The following MYT1 variants were observed in gnomAD, a reference collection of about 807,000 sequenced individuals.
MYT1 encodes myelin transcription factor 1.
MYT1 carries 23 observed loss-of-function variants against 123.0 expected under a neutral mutation model. The observed-to-expected ratio is 0.19, with a 90% CI of 0.13 to 0.26. MYT1 has a LOEUF of 0.26. MYT1 is among the 10% of genes least tolerant of loss of function. The pLI, the probability that MYT1 is intolerant of heterozygous loss-of-function variation, is 1.00. For missense variants in MYT1, 1,125 were observed against 1,472.5 expected, an observed-to-expected ratio of 0.76 and a Z score of 3.86; for synonymous variants, 518 against 575.3, an observed-to-expected ratio of 0.90 and a Z score of 1.43.
intron 13 of MYT1, 41 bp from the exon 14 acceptor site, chr20:64,221,852 C>T (rs1359812263): frequency 4.4e-6 from 7 of 1,605,014 alleles, no homozygotes; most frequent in Middle Eastern, 4.4e-4. Context: ...CCAGGCCTCC[C>T]CGCCAGCCGG....
chr20:64,241,226 C>G lies in MYT1; in HGVS notation c.*778C>G, dbSNP rs1024725376. On this transcript the variant is annotated 3_prime_UTR_variant, in exon 23 of 23. Coordinates refer to ENST00000328439, the MANE Select transcript of MYT1 (RefSeq NM_004535.3). The surrounding 1 kb of genome is among the most constrained non-coding windows in gnomAD (Gnocchi z 4.2). ...CCACTCTGGCTTCTGTGCATCCACCCAGGCCCCCGACCCATCACTGCCACA... is the reference window on the plus strand; with the variant it reads ...CCACTCTGGCTTCTGTGCATCCACCGAGGCCCCCGACCCATCACTGCCACA... The G allele has an allele frequency of 6.6e-6, 1 of 152,232 alleles. No homozygotes were observed. The highest frequency in any genetic ancestry group is 1.5e-5 in the Non-Finnish European group (1 of 68,064). The allele number at this position is 152,232 out of a possible 1,614,324, so 9.4% of individuals were successfully genotyped here. A position where few individuals can be genotyped will look rare whatever the true frequency, so the allele number is the denominator to read the frequency against.
rs1348232704 is a variant in MYT1 at position 64,240,589 on chromosome 20, G to T, written c.*141G>T. On this transcript the variant is annotated 3_prime_UTR_variant, in exon 23 of 23. Coordinates refer to ENST00000328439, the MANE Select transcript of MYT1 (RefSeq NM_004535.3). ...CGCGGGCGGGTTTATCCAAAGGGAT[G>T]GCTGGAAATTGGCCGCTCCCACGAG... 3 of 1,280,620 alleles carry T rather than the reference G, an allele frequency of 2.3e-6. No individual in the cohort carries two copies. Among genetic ancestry groups the T allele is most frequent in the Non-Finnish European group, 3.1e-6 (3 of 963,912 alleles). The allele number at this position is 1,280,620 out of a possible 1,614,324, so 79.3% of individuals were successfully genotyped here.
chr20:64,187,531 G>T (rs531375528), intron 1 of MYT1, among the ~76,000 whole-genome samples: 6 of 152,226 alleles, frequency 3.9e-5, no homozygotes, highest in African/African-American at 1.2e-4. Flanking sequence ...CCTGTGGCAC[G>T]TGGCCCCGGC....
intron 1 of MYT1, among the ~76,000 whole-genome samples, chr20:64,171,964 A>G (rs1399836368): frequency 6.6e-6 from 1 of 152,086 alleles, no homozygotes; most frequent in Non-Finnish European, 1.5e-5. Context: ...CTTCCTGGAG[A>G]GCCCTCTGAT....
rs143724804 is a variant in MYT1 at position 64,223,380 on chromosome 20, C to A, written c.2528+21C>A. ...CTCAAGTATGTTTGCGCTCCCTGAC[C>A]TCCTGTCTCTTGGGCGGCACCCTCG... On this transcript the variant is annotated intron_variant, in intron 16 of 22. Transcript: ENST00000328439. 1,049 of 1,613,406 alleles carry A rather than the reference C, an allele frequency of 6.5e-4. 6 individuals are homozygous for A. The African/African-American group carries it at 0.012, about 19-fold the overall frequency.
rs1472972438 is a variant in MYT1 at position 64,202,588 on chromosome 20, C to T, written c.87-2447C>T. Among the ~76,000 whole-genome samples the T allele has an allele frequency of 6.6e-6, 1 of 152,052 alleles. No individual in the cohort carries two copies. Among genetic ancestry groups the T allele is most frequent in the South Asian group, 2.1e-4 (1 of 4,816 alleles). Reference sequence around the variant, plus strand: ...GGCCAACTCCCACCCAGATGACTGCCCCAGGAGAGGGAGGGAAGGCAGGGA... The same window carrying T: ...GGCCAACTCCCACCCAGATGACTGCTCCAGGAGAGGGAGGGAAGGCAGGGA... On this transcript the variant is annotated intron_variant, in intron 4 of 22. Coordinates refer to ENST00000328439, the MANE Select transcript of MYT1 (RefSeq NM_004535.3). This position sits in a 1 kb window ranked among gnomAD's most constrained non-coding sequence, Gnocchi z 5.0.
chr20:64,165,589 G>T (rs937742981), intron 1 of MYT1, among the ~76,000 whole-genome samples: 3 of 152,158 alleles, frequency 2.0e-5, no homozygotes. Flanking sequence ...GGTTCTCACT[G>T]CTCCTCCTGA....
intron 19 of MYT1, among the ~76,000 whole-genome samples, chr20:64,235,976 C>T (rs1357418843): frequency 1.6e-5 from 2 of 125,798 alleles, no homozygotes; most frequent in African/African-American, 6.4e-5. Flanking sequence ...CCTGGGATGG[C>T]CGCGGTGGGT....
intron 4 of MYT1, among the ~76,000 whole-genome samples, chr20:64,200,653 C>T (rs1983267431): frequency 6.6e-6 from 1 of 152,212 alleles, no homozygotes; most frequent in South Asian, 2.1e-4. Context: ...CTGCGTCAGT[C>T]ACACATCACA....
At chr20:64,228,618 CTG>C (rs1170774362) in intron 18 of MYT1, among the ~76,000 whole-genome samples, 3 of 152,270 alleles carry the variant, frequency 2.0e-5, no homozygotes, top group Admixed American at 6.5e-5. Flanking sequence ...AACCCTGACT[CTG>C]TGTGTTATCC....
intron 17 of MYT1, 71 bp downstream of exon 17, chr20:64,227,548 A>G: frequency 1.5e-6 from 2 of 1,367,812 alleles, no homozygotes; most frequent in Non-Finnish European, 2.0e-6. Context: ...TATGAAGATT[A>G]GAAGACACTA....
In MYT1 at chr20:64,212,173, GGGTGGGGGCCGT is replaced by G. The variant is rs1422101463; in HGVS notation, c.1517+46_1517+57del. ...CTGAGCTGGGCCGTAGTGGGGGCCA[GGGTGGGGGCCGT>G]GGTGGGGGCCAGGGTGGGGGCCGTG... On this transcript the variant is annotated intron_variant, in intron 9 of 22. Transcript: ENST00000328439. This position sits in a 1 kb window ranked among gnomAD's most constrained non-coding sequence, Gnocchi z 6.8. 4.2e-6 allele frequency: 5 copies of G among 1,193,006 alleles called. No homozygotes were observed. Among genetic ancestry groups the G allele is most frequent in the Non-Finnish European group, 2.3e-6 (2 of 884,754 alleles). The allele number at this position is 1,193,006 out of a possible 1,614,324, so 73.9% of individuals were successfully genotyped here.
At chr20:64,173,113 G>T (rs1982335232) in intron 1 of MYT1, among the ~76,000 whole-genome samples, 1 of 152,122 alleles carries the variant, frequency 6.6e-6, no homozygotes, top group Non-Finnish European at 1.5e-5. Flanking sequence ...TATTGCCTTT[G>T]TGTTCTCTGT....
rs1487466187 is a variant in MYT1, at chr20:64,186,326, C to A, written c.-98-3737C>A. ...CCCGAGAGGCTTGTTTTCCAGGAGA[C>A]GTGCTCAGGATGGAGCGGTCTCTGA... On this transcript the variant is annotated intron_variant, in intron 1 of 22. Transcript: ENST00000328439. The surrounding 1 kb of genome is among the most constrained non-coding windows in gnomAD (Gnocchi z 4.3). Among the ~76,000 whole-genome samples the A allele has an allele frequency of 6.6e-6, 1 of 152,154 alleles. No homozygotes were observed. Among genetic ancestry groups the A allele is most frequent in the Non-Finnish European group, 1.5e-5 (1 of 68,012 alleles).
chr20:64,228,089 C>A, intron 18 of MYT1, 118 bp downstream of exon 18: 1 of 908,832 alleles, frequency 1.1e-6, no homozygotes, highest in Non-Finnish European at 1.7e-6. Context: ...GGTCACCTAA[C>A]TGACCAACGC....
chr20:64,171,653 T>C (rs1277810850), intron 1 of MYT1, among the ~76,000 whole-genome samples: 156 of 107,046 alleles, frequency 1.5e-3, no homozygotes, highest in Middle Eastern at 0.012. Context: ...AAACCCTAAC[T>C]CCCTACACCT....
intron 18 of MYT1, among the ~76,000 whole-genome samples, chr20:64,228,900 A>G (rs1412809578): frequency 6.6e-6 from 1 of 152,194 alleles, no homozygotes; most frequent in Non-Finnish European, 1.5e-5. Flanking sequence ...ACGGGGCCCT[A>G]CTATGCCCGC....
At chr20:64,236,816 G>C (rs917464287) in intron 20 of MYT1, among the ~76,000 whole-genome samples, 170 bp downstream of exon 20, 2 of 152,106 alleles carry the variant, frequency 1.3e-5, no homozygotes, top group Admixed American at 1.3e-4. Context: ...TCGGACCTTG[G>C]CTCTGAAGCT....
chr20:64,240,378 C>A lies in MYT1; in HGVS notation c.3296C>A (p.Ser1099Tyr). ...GTGAGCACCCTCACCGACATGTACT[C>A]CAACCAGGACCCGGAGAACAAGGAC... ...AYVSTLTDMYSNQDPENKDLL... is the reference protein window; with the variant it reads ...AYVSTLTDMYYNQDPENKDLL... Residue 1099 changes from serine (S) to tyrosine (Y), a missense_variant, in exon 23 of 23, where the codon TCC becomes TAC. Coordinates refer to ENST00000328439, the MANE Select transcript of MYT1 (RefSeq NM_004535.3). 1.2e-6 allele frequency: 2 copies of A among 1,614,042 alleles called. No individual in the cohort carries two copies. The highest frequency in any genetic ancestry group is 1.7e-6 in the Non-Finnish European group (2 of 1,180,032).
Sources: allele counts gnomAD v4.1 joint callset (sites outside exome capture counted in the v4.1 genomes callset), GRCh38; gene constraint gnomAD v4.1.1; non-coding constraint Gnocchi (gnomAD v3.1); transcripts MANE v1.5; gene names NCBI Gene and HGNC (gene_info 2026-07-23, HGNC 2026-07-21).